Variants in PWWP3A observed in about 807,000 individuals in gnomAD.
PWWP3A encodes the protein PWWP domain containing 3A, DNA repair factor.
PWWP3A carries 53 observed loss-of-function variants against 79.0 expected under a neutral mutation model. That is an observed-to-expected ratio of 0.67 (90% CI 0.54 to 0.84). PWWP3A has a LOEUF of 0.84. Among genes scored for constraint, PWWP3A ranks in the 40% least tolerant of loss-of-function variants. PWWP3A has a pLI of 0.00. For synonymous variants in PWWP3A, 443 were observed against 394.4 expected (o/e 1.12, Z -1.46); for missense variants, 973 against 948.0 (o/e 1.03, Z -0.35).
rs1214468348 is a variant in PWWP3A, at chr19:1,377,142, G to A, written c.*566G>A. 1 of 152,702 alleles carries A rather than the reference G, an allele frequency of 6.5e-6. No individual in the cohort carries two copies. Among genetic ancestry groups the A allele is most frequent in the Non-Finnish European group, 1.5e-5 (1 of 68,524 alleles). The allele number at this position is 152,702 out of a possible 1,614,324, so 9.5% of individuals were successfully genotyped here. A position where few individuals can be genotyped will look rare whatever the true frequency, so the allele number is the denominator to read the frequency against. On this transcript the variant is annotated 3_prime_UTR_variant, in exon 14 of 14. Coordinates refer to ENST00000591337, the MANE Select transcript of PWWP3A (RefSeq NM_001369789.1). The stretch of plus-strand genomic sequence containing the variant: ...GAGCAGAGACGAGCCGCTGCTCTGT[G>A]TCGTGTTTGCTGTGGCCGCAGGGAG...
At chr19:1,363,827 C>T (rs2082071618) in intron 6 of PWWP3A, among the ~76,000 whole-genome samples, 1 of 152,214 alleles carries the variant, frequency 6.6e-6, no homozygotes, top group Non-Finnish European at 1.5e-5. Flanking sequence ...TTGGTTACTT[C>T]ATAGGCCTTT....
intron 12 of PWWP3A, 30 bp downstream of exon 12, chr19:1,371,108 C>T: frequency 1.9e-6 from 3 of 1,542,116 alleles, no homozygotes; most frequent in Non-Finnish European, 2.6e-6. Flanking sequence ...GTCACGTGGG[C>T]AGGGAGGGGC....
At position 1,373,140 on chromosome 19, in the gene PWWP3A, G is replaced by A; in HGVS notation, c.2055G>A (p.Lys685=). The A allele has an allele frequency of 6.2e-7, 1 of 1,614,184 alleles. No homozygotes were observed. Among genetic ancestry groups the A allele is most frequent in the Non-Finnish European group, 8.5e-7 (1 of 1,180,016 alleles). ...AGACGGCTGAGGAGAAGTACATCAA[G>A]GGGCCTTCGCTGAGCTACCGGTAGG... The part of the protein sequence containing the change: ...DYKTAEEKYI[K]GPSLSYREKE... Residue 685 remains lysine, a synonymous_variant, in exon 13 of 14, where the codon AAG becomes AAA. Transcript: ENST00000591337.
chr19:1,371,471 T>G (rs1201251908), intron 12 of PWWP3A: 1 of 689,580 alleles, frequency 1.5e-6, no homozygotes, highest in Non-Finnish European at 2.7e-6. Flanking sequence ...CCACTGTAAG[T>G]TGAAAAACTG....
At chr19:1,356,530 G>C in intron 2 of PWWP3A, 81 bp downstream of exon 2, 2 of 1,367,410 alleles carry the variant, frequency 1.5e-6, no homozygotes, top group Admixed American at 1.8e-5. Context: ...GAGATACCTA[G>C]GATTTGCTTC....
rs756804605 is a variant in PWWP3A at position 1,370,907 on chromosome 19, C to T, written c.1815C>T (p.Phe605=). 5.1e-6 allele frequency: 8 copies of T among 1,555,512 alleles called. No individual in the cohort carries two copies. The highest frequency in any genetic ancestry group is 6.1e-6 in the Non-Finnish European group (7 of 1,149,248). Residue 605 remains phenylalanine (F), a synonymous_variant, in exon 12 of 14, where the codon TTC becomes TTT. Transcript: ENST00000591337. ...AGCCATCTCGCTGGCTGCAGACCTT[C>T]CTGAGCTCCAGCCAGTACGTGACCT... ...SRKPSRWLQT[F]LSSSQYVTCV...
Position 1,370,862 on chromosome 19 carries a change from G to A in PWWP3A, c.1770G>A (p.Arg590=), listed in dbSNP as rs2082241424. ...VKAKGAESHL[R]AILKSRKPSR... ...CCAAGGGCGCGGAGAGCCACCTGCG[G>A]GCCATCCTAAAGAGCAGGAAGCCAT... is the stretch of plus-strand genomic sequence containing the variant. Residue 590 remains arginine (R), a synonymous_variant, in exon 12 of 14, where the codon CGG becomes CGA. Transcript: ENST00000591337. The A allele has an allele frequency of 2.6e-6, 4 of 1,561,570 alleles. No individual in the cohort carries two copies. Among genetic ancestry groups the A allele is most frequent in the African/African-American group, 2.7e-5 (2 of 73,574 alleles).
At position 1,376,601 on chromosome 19, in the gene PWWP3A, C is replaced by G. The variant is rs766150581; in HGVS notation, c.*25C>G. On this transcript the variant is annotated 3_prime_UTR_variant, in exon 14 of 14. Transcript: ENST00000591337. ...AGGGAGCAGCCGGCTGTGCTGTCAG[C>G]GGGGCCTGGCGGTGGAAGCGCCTCC... 1.2e-6 allele frequency: 2 copies of G among 1,611,982 alleles called. No individual in the cohort carries two copies. Among genetic ancestry groups the G allele is most frequent in the South Asian group, 2.2e-5 (2 of 90,996 alleles).
At position 1,360,634 on chromosome 19, in the gene PWWP3A, A is replaced by G; in HGVS notation, c.713A>G (p.Asp238Gly). The change falls in exon 5 of 14, where the codon GAC becomes GGC. Residue 238 changes from aspartate to glycine, a missense_variant. Asp to Gly is a moderately conservative substitution (Grantham distance 94). Coordinates refer to ENST00000591337, the MANE Select transcript of PWWP3A (RefSeq NM_001369789.1). The surrounding 1 kb of genome is among the most constrained non-coding windows in gnomAD (Gnocchi z 4.4). ...AATGGATCTTCCCTTTCAGAGGACG[A>G]CACGGAGAGAGACATGGGGAGCAAA... ...CLNGSSLSEDDTERDMGSKGG... is the reference protein window; with the variant it reads ...CLNGSSLSEDGTERDMGSKGG... 6.2e-7 allele frequency: 1 copy of G among 1,613,716 alleles called. No individual in the cohort carries two copies.
chr19:1,370,188 A>T (rs549784992), intron 11 of PWWP3A, among the ~76,000 whole-genome samples: 140 of 152,256 alleles, frequency 9.2e-4, no homozygotes, highest in Middle Eastern at 6.8e-3. Context: ...GACCTATGTG[A>T]TTGCACCGCT....
At chr19:1,355,480 T>TC (rs1329776656) in intron 1 of PWWP3A, among the ~76,000 whole-genome samples, 1 of 39,944 alleles carries the variant, frequency 2.5e-5, no homozygotes, top group African/African-American at 8.6e-5. Context: ...TTCCCTGGAT[T>TC]CCCCACCCCC....
chr19:1,369,276 G>A lies in PWWP3A; in HGVS notation c.1434G>A (p.Arg478=). 6.2e-7 allele frequency: 1 copy of A among 1,614,136 alleles called. No individual in the cohort carries two copies. The change falls in exon 10 of 14, where the codon AGG becomes AGA. Residue 478 remains arginine, a synonymous_variant. Transcript: ENST00000591337. This position sits in a 1 kb window ranked among gnomAD's most constrained non-coding sequence, Gnocchi z 4.0. ...GGATCTCATTGTAGAATCAAGCCAGGGAGGACTTCAACCAGGACATCGGCT... is the reference window on the plus strand; with the variant it reads ...GGATCTCATTGTAGAATCAAGCCAGAGAGGACTTCAACCAGGACATCGGCT... ...KEKQTLLNQA[R]EDFNQDIGWC...
chr19:1,362,382 C>CT, intron 6 of PWWP3A, 31 bp downstream of exon 6: 1 of 1,581,924 alleles, frequency 6.3e-7, no homozygotes, highest in Non-Finnish European at 8.7e-7. Flanking sequence ...GCCGGCAGTC[C>CT]TAACGGTGCG....
Position 1,376,676 on chromosome 19 carries a change from G to A in PWWP3A, c.*100G>A, listed in dbSNP as rs1042710101. The A allele has an allele frequency of 1.1e-5, 13 of 1,155,642 alleles. No individual in the cohort carries two copies. The highest frequency in any genetic ancestry group is 7.7e-5 in the African/African-American group (5 of 65,038). The allele number at this position is 1,155,642 out of a possible 1,614,324, so 71.6% of individuals were successfully genotyped here. A position where few individuals can be genotyped will look rare whatever the true frequency, so the allele number is the denominator to read the frequency against. ...TGGGGGGCTCAGGGGGCACGTTTGC[G>A]TTTGGACCTGTCTGTGCGTTCTCCT... On this transcript the variant is annotated 3_prime_UTR_variant, in exon 14 of 14. Transcript: ENST00000591337.
Position 1,375,646 on chromosome 19 carries a change from ATAAT to A in PWWP3A, c.2076-871_2076-868del, listed in dbSNP as rs1458448345. 4.8e-3 allele frequency among the ~76,000 whole-genome samples: 185 copies of A among 38,582 alleles called. 1 individual carries two copies. Among genetic ancestry groups the A allele is most frequent in the Admixed American group, 0.011 (33 of 2,938 alleles). The allele number at this position is 38,582 out of a possible 152,430, so 25.3% of individuals were successfully genotyped here. On this transcript the variant is annotated intron_variant, in intron 13 of 13. Transcript: ENST00000591337. ...AACAATTTTATATATTATATAATAT[ATAAT>A]TGTATATATTATATATAAAATGTAC...
At position 1,367,194 on chromosome 19, in the gene PWWP3A, G is replaced by A; in HGVS notation, c.1396G>A (p.Asp466Asn). Residue 466 changes from aspartate (D) to asparagine (N), a missense_variant, in exon 9 of 14, where the codon GAT (aspartate) becomes AAT (asparagine). Transcript: ENST00000591337. ...GTCTCTTAAAAGTTTAAAGCACTTT[G>A]ATTGTAAAGAGAAACAGACGCTTCT... ...TVSLKSLKHF[D>N]CKEKQTLLNQ... is the part of the protein sequence containing the mutation. The A allele has an allele frequency of 5.0e-6, 8 of 1,613,340 alleles. No homozygotes were observed. Among genetic ancestry groups the A allele is most frequent in the South Asian group, 1.1e-5 (1 of 90,818 alleles).
chr19:1,375,440 T>TAC (rs1416531660), intron 13 of PWWP3A, among the ~76,000 whole-genome samples: 1 of 132,132 alleles, frequency 7.6e-6, no homozygotes, highest in Admixed American at 8.6e-5. Flanking sequence ...TATATAGCCA[T>TAC]ATATATTTAT....
At chr19:1,358,678 C>T in intron 4 of PWWP3A, 1 of 1,525,350 alleles carries the variant, frequency 6.6e-7, no homozygotes, top group Non-Finnish European at 8.8e-7. Flanking sequence ...CACTCCTATT[C>T]TTGACGCCCA....
chr19:1,364,804 G>C (rs1335440700), intron 7 of PWWP3A, among the ~76,000 whole-genome samples: 2 of 152,264 alleles, frequency 1.3e-5, no homozygotes, highest in African/African-American at 4.8e-5. Flanking sequence ...CACCAAGCAG[G>C]CTTAGAAAGA....
Sources: gnomAD v4.1 joint callset for allele counts (sites outside exome capture counted in the v4.1 genomes callset) on GRCh38, gnomAD v4.1.1 for gene constraint, Gnocchi (gnomAD v3.1) non-coding constraint, MANE v1.5 for transcripts, NCBI Gene and HGNC (gene_info 2026-07-23, HGNC 2026-07-21) for gene names.